Variants in FAF1 observed in about 807,000 individuals in gnomAD.
FAF1 encodes the protein FAS-associated factor 1.
FAF1 carries 25 observed loss-of-function variants against 92.5 expected under a neutral mutation model. The observed-to-expected ratio is 0.27, with a 90% CI of 0.20 to 0.38. The LOEUF is 0.38. FAF1 is among the 10% of genes least tolerant of loss of function. FAF1 has a pLI of 1.00. For synonymous variants in FAF1, 234 were observed against 273.2 expected, an observed-to-expected ratio of 0.86 and a Z score of 1.42; for missense variants, 636 against 793.3, an observed-to-expected ratio of 0.80 and a Z score of 2.38.
intron 2 of FAF1, among the ~76,000 whole-genome samples, chr1:50,846,207 A>G (rs900517545): frequency 6.6e-6 from 1 of 152,120 alleles, no homozygotes; most frequent in Admixed American, 6.5e-5. Flanking sequence ...ACTATGCTAC[A>G]TACGATGTAC....
chr1:50,857,649 A>G (rs1219777116), intron 2 of FAF1, among the ~76,000 whole-genome samples: 2 of 151,794 alleles, frequency 1.3e-5, no homozygotes, highest in African/African-American at 4.8e-5. Flanking sequence ...TCTCCTTCCG[A>G]GCATCTCCAC....
chr1:50,824,576 A>T (rs138007267), intron 2 of FAF1, among the ~76,000 whole-genome samples: 7 of 152,296 alleles, frequency 4.6e-5, no homozygotes, highest in Non-Finnish European at 8.8e-5. Flanking sequence ...AAAAAACTAA[A>T]GACAGATTTA....
chr1:50,933,540 T>A (rs1273383901), intron 1 of FAF1, among the ~76,000 whole-genome samples: 1 of 152,210 alleles, frequency 6.6e-6, no homozygotes, highest in Non-Finnish European at 1.5e-5. Context: ...GTCAAAGCCA[T>A]TCGACAAGTC....
chr1:50,520,243 G>C (rs1647429420), intron 15 of FAF1, among the ~76,000 whole-genome samples: 1 of 152,118 alleles, frequency 6.6e-6, no homozygotes, highest in Admixed American at 6.5e-5. Flanking sequence ...AGAATAACCA[G>C]GGTCAAGGCA....
At chr1:50,729,343 C>CTGCACCAAAGCTATCTCA (rs1484283280) in intron 6 of FAF1, among the ~76,000 whole-genome samples, 1 of 151,530 alleles carries the variant, frequency 6.6e-6, no homozygotes. Context: ...GTGTGAGCCA[C>CTGCACCAAAGCTATCTCA]CACGCCCGGC....
chr1:50,792,601 A>T (rs1169885611), intron 3 of FAF1, among the ~76,000 whole-genome samples: 1 of 152,252 alleles, frequency 6.6e-6, no homozygotes, highest in Non-Finnish European at 1.5e-5. Context: ...ATGCTTAAAG[A>T]AACAGGAATG....
chr1:50,616,918 T>C lies in FAF1; in HGVS notation c.745-20702A>G, dbSNP rs953451716. Among the ~76,000 whole-genome samples, 4 of 152,268 alleles carry C rather than the reference T, an allele frequency of 2.6e-5. No individual in the cohort carries two copies. In the East Asian group the frequency reaches 7.7e-4, roughly 29 times the overall value. ...CTGGTCTCAAACTCCTGACCTCAAG[T>C]GATCTGCCCACCTCTGCCTCCCAAA... On this transcript the variant is annotated intron_variant, in intron 8 of 18. Transcript: ENST00000396153.
At chr1:50,574,125 A>T (rs1253687051) in intron 12 of FAF1, among the ~76,000 whole-genome samples, 1 of 152,146 alleles carries the variant, frequency 6.6e-6, no homozygotes, top group African/African-American at 2.4e-5. Context: ...GACTCTGTCT[A>T]AAAAAAGAAA....
chr1:50,873,005 GA>G (rs1372488032), intron 1 of FAF1, among the ~76,000 whole-genome samples: 1 of 152,138 alleles, frequency 6.6e-6, no homozygotes, highest in East Asian at 1.9e-4. Context: ...CTTATTTTAA[GA>G]AATTGCTAGA....
chr1:50,591,202 T>C (rs1456481781), intron 9 of FAF1, among the ~76,000 whole-genome samples: 3 of 152,254 alleles, frequency 2.0e-5, no homozygotes, highest in Non-Finnish European at 4.4e-5. Context: ...TCCTTCATTC[T>C]GTAAATGTGC....
chr1:50,510,616 A>G (rs1015869946), intron 15 of FAF1, among the ~76,000 whole-genome samples: 2 of 152,186 alleles, frequency 1.3e-5, no homozygotes, highest in Admixed American at 1.3e-4. Context: ...AAATAAGAAC[A>G]TTAGAGGTCT....
At chr1:50,823,378 A>G (rs1164938463) in intron 2 of FAF1, among the ~76,000 whole-genome samples, 2 of 152,170 alleles carry the variant, frequency 1.3e-5, no homozygotes, top group Non-Finnish European at 2.9e-5. Flanking sequence ...GGGGAACTAG[A>G]AGGAGGAATA....
At chr1:50,910,668 C>T (rs1644877253) in intron 1 of FAF1, among the ~76,000 whole-genome samples, 1 of 151,708 alleles carries the variant, frequency 6.6e-6, no homozygotes, top group Non-Finnish European at 1.5e-5. Context: ...GCTCCGTGGC[C>T]GTGGGACCCT....
chr1:50,863,713 C>T (rs568467767), intron 1 of FAF1, among the ~76,000 whole-genome samples: 1 of 151,966 alleles, frequency 6.6e-6, no homozygotes, highest in Non-Finnish European at 1.5e-5. Flanking sequence ...TGATGCTGGC[C>T]TCATAAAATG....
intron 4 of FAF1, among the ~76,000 whole-genome samples, chr1:50,766,328 T>C (rs997223215): frequency 4.6e-5 from 7 of 152,168 alleles, no homozygotes; most frequent in Non-Finnish European, 1.5e-5. Flanking sequence ...CATTACCCCC[T>C]AGAATACTTT....
At chr1:50,899,931 T>C (rs1477821761) in intron 1 of FAF1, among the ~76,000 whole-genome samples, 1 of 152,216 alleles carries the variant, frequency 6.6e-6, no homozygotes, top group Non-Finnish European at 1.5e-5. Context: ...TTATTTAGGA[T>C]GTTCCATTTA....
intron 18 of FAF1, among the ~76,000 whole-genome samples, chr1:50,457,517 G>A (rs371220874): frequency 4.8e-4 from 73 of 152,138 alleles, no homozygotes; most frequent in Non-Finnish European, 9.7e-4. Flanking sequence ...ACTAGAATAC[G>A]GAGCACAGAA....
chr1:50,626,639 G>A (rs1224787479), intron 8 of FAF1, among the ~76,000 whole-genome samples: 2 of 151,690 alleles, frequency 1.3e-5, no homozygotes, highest in Non-Finnish European at 3.0e-5. Context: ...TGCCTGGTTA[G>A]TCATATTAAG....
intron 18 of FAF1, among the ~76,000 whole-genome samples, chr1:50,464,971 C>A (rs1646476476): frequency 6.6e-6 from 1 of 152,224 alleles, no homozygotes; most frequent in Admixed American, 6.5e-5. Flanking sequence ...ATCCAATCAT[C>A]TCTCCAATCT....
Sources: gnomAD v4.1 joint callset for allele counts (sites outside exome capture counted in the v4.1 genomes callset) on GRCh38, gnomAD v4.1.1 for gene constraint, MANE v1.5 for transcripts, NCBI Gene and HGNC (gene_info 2026-07-23, HGNC 2026-07-21) for gene names.